The following EPB41L4B variants were observed in gnomAD, a reference collection of about 807,000 sequenced individuals.
EPB41L4B encodes the protein band 4.1-like protein 4B.
In EPB41L4B, 30 loss-of-function variants were observed where a neutral mutation model predicts 112.5. That is an observed-to-expected ratio of 0.27 (90% CI 0.20 to 0.36). The LOEUF is 0.36. Ranked by LOEUF, EPB41L4B falls within the 10% of genes least tolerant of loss-of-function variation. EPB41L4B has a pLI of 1.00. For synonymous variants in EPB41L4B, 408 were observed against 439.7 expected (o/e 0.93, Z 0.90); for missense variants, 1,024 against 1,133.3 (o/e 0.90, Z 1.38).
chr9:109,313,319 C>T (rs139635574), intron 1 of EPB41L4B, among the ~76,000 whole-genome samples: 199 of 152,298 alleles, frequency 1.3e-3, no homozygotes, highest in Middle Eastern at 6.8e-3. Flanking sequence ...TTTTGGAAAA[C>T]AATTTAAAAT....
intron 15 of EPB41L4B, among the ~76,000 whole-genome samples, chr9:109,229,645 T>C (rs537188058): frequency 6.6e-6 from 1 of 152,360 alleles, no homozygotes; most frequent in Non-Finnish European, 1.5e-5. Context: ...AACTGGTTCC[T>C]GTTTTACTTT....
chr9:109,244,130 C>T (rs144115013), intron 14 of EPB41L4B, among the ~76,000 whole-genome samples: 85 of 152,326 alleles, frequency 5.6e-4, no homozygotes, highest in African/African-American at 1.9e-3. Flanking sequence ...CATCTGCACA[C>T]AGACAAGGAC....
At chr9:109,282,936 C>T (rs530152933) in intron 1 of EPB41L4B, among the ~76,000 whole-genome samples, 20 of 152,170 alleles carry the variant, frequency 1.3e-4, no homozygotes, top group African/African-American at 4.3e-4. Context: ...CCCACCTCGG[C>T]GTCCCAAAGT....
intron 16 of EPB41L4B, among the ~76,000 whole-genome samples, chr9:109,216,279 A>C (rs752862953): frequency 7.2e-5 from 11 of 151,832 alleles, no homozygotes; most frequent in Non-Finnish European, 1.6e-4. Context: ...TTTTTCGTCC[A>C]GCTCTTTTGT....
intron 2 of EPB41L4B, 81 bp downstream of exon 2, chr9:109,279,736 T>C: frequency 1.7e-6 from 2 of 1,209,086 alleles, no homozygotes; most frequent in Non-Finnish European, 2.4e-6. Flanking sequence ...TGTTTTTCTC[T>C]ACCCATTTCT....
intron 15 of EPB41L4B, among the ~76,000 whole-genome samples, chr9:109,224,861 G>T (rs1391260414): frequency 6.6e-6 from 1 of 152,152 alleles, no homozygotes; most frequent in Non-Finnish European, 1.5e-5. Context: ...GGGGATGGGG[G>T]CTCGCTATGG....
intron 23 of EPB41L4B, 50 bp downstream of exon 23, chr9:109,185,439 G>A (rs896169981): frequency 6.5e-7 from 1 of 1,540,558 alleles, no homozygotes; most frequent in South Asian, 1.1e-5. Flanking sequence ...GGTGGCTCCT[G>A]CCCACCTCAC....
At chr9:109,194,549 C>T (rs1411389738) in intron 20 of EPB41L4B, 152 bp from the exon 21 acceptor site, 3 of 790,080 alleles carry the variant, frequency 3.8e-6, no homozygotes. Context: ...TTGCAGGATC[C>T]AATACTCTGA....
At chr9:109,244,349 G>A (rs1834463266) in intron 14 of EPB41L4B, among the ~76,000 whole-genome samples, 1 of 150,272 alleles carries the variant, frequency 6.7e-6, no homozygotes, top group Admixed American at 6.6e-5. Context: ...GGGAAGGAAG[G>A]CAGGTAGGGA....
chr9:109,243,827 T>C, intron 14 of EPB41L4B, 145 bp from the exon 15 acceptor site: 1 of 740,974 alleles, frequency 1.3e-6, no homozygotes, highest in Non-Finnish European at 2.2e-6. Flanking sequence ...GGGTGGATGT[T>C]TCCCAGGACG....
In EPB41L4B at chr9:109,213,756, G is replaced by C. The variant is rs1833265029; in HGVS notation, c.1696C>G (p.Leu566Val). The C allele has an allele frequency of 6.2e-7, 1 of 1,614,070 alleles. No homozygotes were observed. The highest frequency in any genetic ancestry group is 1.3e-5 in the African/African-American group (1 of 74,938). The change falls in exon 17 of 26, where the codon CTG becomes GTG. Residue 566 changes from leucine (L) to valine (V), a missense_variant. Transcript: ENST00000374566. Reference protein sequence around the residue: ...EAAAHLKKLELETVKAAGPWP... With the variant: ...EAAAHLKKLEVETVKAAGPWP... ...GGTCCAGCAGCCTTCACAGTTTCCAGTTCCAGCTTCTTTAGATGGGCAGCG... is the reference window on the plus strand; with the variant it reads ...GGTCCAGCAGCCTTCACAGTTTCCACTTCCAGCTTCTTTAGATGGGCAGCG...
intron 1 of EPB41L4B, among the ~76,000 whole-genome samples, chr9:109,290,111 G>C (rs1836469476): frequency 6.6e-6 from 1 of 152,140 alleles, no homozygotes; most frequent in Non-Finnish European, 1.5e-5. Context: ...CTGTGCCCTG[G>C]GACTCTGTGA....
At position 109,239,889 on chromosome 9, in the gene EPB41L4B, AC is replaced by A. The variant is rs919804207; in HGVS notation, c.1409+3728del. ...CTATTACTGAGGAAATCCCACTGCC[AC>A]CACTTCTCTCTACTCAGCACCTGTG... is the stretch of plus-strand genomic sequence containing the variant. On this transcript the variant is annotated intron_variant, in intron 15 of 25. Coordinates refer to ENST00000374566, the MANE Select transcript of EPB41L4B (RefSeq NM_019114.5). 3.0e-6 allele frequency: 3 copies of A among 985,382 alleles called. No homozygotes were observed. In the African/African-American group the frequency reaches 5.2e-5, roughly 17 times the overall value. The allele number at this position is 985,382 out of a possible 1,614,324, so 61.0% of individuals were successfully genotyped here. A position where few individuals can be genotyped will look rare whatever the true frequency, so the allele number is the denominator to read the frequency against.
At chr9:109,316,370 G>A (rs928665403) in intron 1 of EPB41L4B, among the ~76,000 whole-genome samples, 21 of 152,226 alleles carry the variant, frequency 1.4e-4, no homozygotes, top group African/African-American at 4.1e-4. Context: ...AACGGGAGGC[G>A]GGGCTGAGCA....
At chr9:109,297,445 A>G (rs908857833) in intron 1 of EPB41L4B, among the ~76,000 whole-genome samples, 7 of 152,212 alleles carry the variant, frequency 4.6e-5, no homozygotes, top group East Asian at 1.9e-4. Flanking sequence ...CATGACCCCA[A>G]CAAAGCCCCT....
chr9:109,278,880 C>T (rs1835933315), intron 2 of EPB41L4B, among the ~76,000 whole-genome samples: 1 of 152,182 alleles, frequency 6.6e-6, no homozygotes, highest in Non-Finnish European at 1.5e-5. Flanking sequence ...TGAAGTCATT[C>T]CTGCTTTTAA....
chr9:109,218,945 A>G (rs909639954), intron 15 of EPB41L4B, among the ~76,000 whole-genome samples: 4 of 152,176 alleles, frequency 2.6e-5, no homozygotes, highest in African/African-American at 4.8e-5. Flanking sequence ...AAGCTCTGTG[A>G]TTCAGTCACT....
At chr9:109,264,751 C>A (rs1312169751) in intron 5 of EPB41L4B, among the ~76,000 whole-genome samples, 1 of 152,176 alleles carries the variant, frequency 6.6e-6, no homozygotes, top group Non-Finnish European at 1.5e-5. Context: ...CCCAAATACA[C>A]ATCACTTAAG....
intron 2 of EPB41L4B, among the ~76,000 whole-genome samples, chr9:109,270,750 C>T (rs935126953): frequency 1.3e-5 from 2 of 152,214 alleles, no homozygotes; most frequent in South Asian, 2.1e-4. Context: ...TTAGGCCTCC[C>T]TTTCCTCTCC....
Sources: gnomAD v4.1 joint callset for allele counts (sites outside exome capture counted in the v4.1 genomes callset) on GRCh38, gnomAD v4.1.1 for gene constraint, MANE v1.5 for transcripts, NCBI Gene and HGNC (gene_info 2026-07-23, HGNC 2026-07-21) for gene names.